The following HECW1 variants were observed in gnomAD, a reference collection of about 807,000 sequenced individuals.
HECW1 encodes HECT, C2 and WW domain containing E3 ubiquitin protein ligase 1.
In HECW1, 61 loss-of-function variants were observed where a neutral mutation model predicts 182.3. The observed-to-expected ratio is 0.33, with a 90% confidence interval of 0.27 to 0.41. HECW1 has a LOEUF of 0.41. Among genes scored for constraint, HECW1 ranks in the 10% least tolerant of loss-of-function variants. The probability of loss-of-function intolerance (pLI) is 1.00; values close to 1 mark genes in which losing one functional copy is unlikely to be tolerated. For missense variants in HECW1, 1,739 were observed against 2,108.9 expected, an observed-to-expected ratio of 0.82 and a Z score of 3.44; for synonymous variants, 859 against 832.6, an observed-to-expected ratio of 1.03 and a Z score of -0.55.
intron 2 of HECW1, among the ~76,000 whole-genome samples, chr7:43,230,446 G>A (rs1402112918): frequency 6.6e-6 from 1 of 151,968 alleles, no homozygotes; most frequent in African/African-American, 2.4e-5. Flanking sequence ...GAAAACAACT[G>A]AACTCAATAT....
At chr7:43,266,645 T>C (rs1801836377) in intron 3 of HECW1, among the ~76,000 whole-genome samples, 1 of 152,190 alleles carries the variant, frequency 6.6e-6, no homozygotes, top group South Asian at 2.1e-4. Flanking sequence ...CAGGAAATGT[T>C]TTAAGAACTT....
intron 7 of HECW1, among the ~76,000 whole-genome samples, chr7:43,403,122 A>T (rs972592504): frequency 1.3e-5 from 2 of 152,236 alleles, no homozygotes; most frequent in Admixed American, 6.5e-5. Context: ...TCTGGTTTTC[A>T]TAAGTTCTTG....
At chr7:43,483,549 T>TTTTTTC (rs2078514758) in intron 17 of HECW1, among the ~76,000 whole-genome samples, 1 of 136,138 alleles carries the variant, frequency 7.3e-6, no homozygotes, top group Non-Finnish European at 1.6e-5. Flanking sequence ...TGCAAACTCT[T>TTTTTTC]TTTTTTTTTT....
chr7:43,221,921 A>T (rs1562694993), intron 2 of HECW1, among the ~76,000 whole-genome samples: 1 of 152,178 alleles, frequency 6.6e-6, no homozygotes, highest in Non-Finnish European at 1.5e-5. Context: ...TGCAGAGACG[A>T]TTATGAGATG....
intron 3 of HECW1, among the ~76,000 whole-genome samples, chr7:43,284,915 C>T (rs2152750389): frequency 6.6e-6 from 1 of 151,942 alleles, no homozygotes; most frequent in African/African-American, 2.4e-5. Flanking sequence ...CAGGACTGCC[C>T]CAGGTCTTAT....
chr7:43,486,646 A>G (rs1208278490), intron 17 of HECW1, among the ~76,000 whole-genome samples: 2 of 152,212 alleles, frequency 1.3e-5, no homozygotes, highest in Non-Finnish European at 2.9e-5. Context: ...TGTGACAGCT[A>G]TGACATGACC....
chr7:43,550,977 C>A (rs1438822848), intron 27 of HECW1, among the ~76,000 whole-genome samples: 1 of 152,268 alleles, frequency 6.6e-6, no homozygotes, highest in Non-Finnish European at 1.5e-5. Context: ...TCCACTGTCA[C>A]TAGAATTTTA....
chr7:43,215,098 T>A (rs911327298), intron 2 of HECW1, among the ~76,000 whole-genome samples: 1 of 152,276 alleles, frequency 6.6e-6, no homozygotes, highest in Non-Finnish European at 1.5e-5. Flanking sequence ...ATGTAAGGAT[T>A]GAATTTTCAG....
chr7:43,119,704 G>GT (rs11369993), intron 2 of HECW1, among the ~76,000 whole-genome samples: 55,887 of 151,856 alleles, frequency 0.37, 11,152 homozygotes, highest in East Asian at 0.59. Context: ...CTCCCTAAAC[G>GT]TGCTTCTCTT....
intron 2 of HECW1, among the ~76,000 whole-genome samples, chr7:43,177,580 C>T (rs1222204702): frequency 6.6e-6 from 1 of 152,234 alleles, no homozygotes; most frequent in East Asian, 1.9e-4. Flanking sequence ...ATTCAGACAA[C>T]TTGAACTCTA....
chr7:43,112,733 C>T lies in HECW1; in HGVS notation c.-471C>T, dbSNP rs1447690223. ...TCGCGCACACACTCGCCGAGCCGCG[C>T]GCGCCCCTCCGCCGTGACAGTGGCC... is the stretch of plus-strand genomic sequence containing the variant. On this transcript the variant is annotated 5_prime_UTR_variant, in exon 1 of 30. Transcript: ENST00000395891. 3.5e-5 allele frequency: 8 copies of T among 230,840 alleles called. No homozygotes were observed. Among genetic ancestry groups the T allele is most frequent in the Non-Finnish European group, 6.9e-5 (8 of 116,432 alleles). The allele number at this position is 230,840 out of a possible 1,614,324, so 14.3% of individuals were successfully genotyped here. A position where few individuals can be genotyped will look rare whatever the true frequency, so the allele number is the denominator to read the frequency against.
intron 17 of HECW1, among the ~76,000 whole-genome samples, chr7:43,490,159 T>C (rs1400054640): frequency 1.3e-5 from 2 of 152,204 alleles, no homozygotes; most frequent in Non-Finnish European, 2.9e-5. Flanking sequence ...GGAGTATACT[T>C]TGGCAACAAA....
At chr7:43,237,165 GTA>G (rs1798450263) in intron 2 of HECW1, among the ~76,000 whole-genome samples, 1 of 127,582 alleles carries the variant, frequency 7.8e-6, no homozygotes, top group Non-Finnish European at 1.7e-5. Context: ...AGGTAGGTAG[GTA>G]GGTAGGTAGG....
At chr7:43,505,362 C>G (rs981863592) in intron 21 of HECW1, among the ~76,000 whole-genome samples, 3 of 152,180 alleles carry the variant, frequency 2.0e-5, no homozygotes, top group Non-Finnish European at 2.9e-5. Context: ...CTGACGCCAG[C>G]CTAGTCCCAT....
At chr7:43,209,207 G>T (rs1305436117) in intron 2 of HECW1, among the ~76,000 whole-genome samples, 1 of 151,982 alleles carries the variant, frequency 6.6e-6, no homozygotes, top group Non-Finnish European at 1.5e-5. Flanking sequence ...TCTTGCCCAT[G>T]ATCGCCATCG....
chr7:43,540,364 G>T (rs1196193347), intron 24 of HECW1, among the ~76,000 whole-genome samples: 1 of 152,202 alleles, frequency 6.6e-6, no homozygotes, highest in Admixed American at 6.5e-5. Flanking sequence ...GGCCCACATG[G>T]TGGGGAAAGC....
At chr7:43,501,560 T>C (rs2079361238) in intron 21 of HECW1, among the ~76,000 whole-genome samples, 1 of 152,166 alleles carries the variant, frequency 6.6e-6, no homozygotes, top group African/African-American at 2.4e-5. Context: ...GCTGGGCAGG[T>C]GGCTCATGCT....
chr7:43,469,017 G>A lies in HECW1; in HGVS notation c.3011G>A (p.Arg1004Gln), dbSNP rs752606904. Residue 1004 changes from arginine to glutamine, a missense_variant, in exon 16 of 30, where the codon CGG (arginine) becomes CAG (glutamine). By Grantham distance (43) the Arg-to-Gln change is conservative. Around this residue, in one of 5 missense-constraint regions of HECW1, gnomAD observed 971 missense variants for 1,029.1 expected, o/e 0.94. Coordinates refer to ENST00000395891, the MANE Select transcript of HECW1 (RefSeq NM_015052.5). ...ARNFERYQHN[R>Q]DLVNFINMFA... ...AATTTTGAACGCTACCAGCACAACCGGGACTTGGTGAATTTCATCAACATG... is the reference window on the plus strand; with the variant it reads ...AATTTTGAACGCTACCAGCACAACCAGGACTTGGTGAATTTCATCAACATG... 1.1e-5 allele frequency: 17 copies of A among 1,614,040 alleles called. No homozygotes were observed. Among genetic ancestry groups the A allele is most frequent in the East Asian group, 4.5e-5 (2 of 44,888 alleles).
At chr7:43,120,061 A>C (rs2152601735) in intron 2 of HECW1, among the ~76,000 whole-genome samples, 1 of 152,344 alleles carries the variant, frequency 6.6e-6, no homozygotes, top group Non-Finnish European at 1.5e-5. Flanking sequence ...TAGCAGGATC[A>C]CAGTGCAAAA....
Sources: gnomAD v4.1 joint callset for allele counts (sites outside exome capture counted in the v4.1 genomes callset) on GRCh38, gnomAD v4.1.1 for gene constraint, gnomAD v4.1.1 regional missense constraint, MANE v1.5 for transcripts, NCBI Gene and HGNC (gene_info 2026-07-23, HGNC 2026-07-21) for gene names.